LIN52: variants seen among roughly 807,000 people sequenced by gnomAD.
The protein encoded by LIN52 is protein lin-52 homolog.
Under a neutral mutation model 18.5 loss-of-function variants are expected in LIN52, and 4 were observed. The observed-to-expected ratio is 0.22, with a 90% CI of 0.11 to 0.49. LIN52 has a LOEUF of 0.49. LIN52 is among the 20% of genes least tolerant of loss of function. The pLI is 0.97. For missense variants in LIN52, 102 were observed against 139.5 expected, an observed-to-expected ratio of 0.73 and a Z score of 1.35; for synonymous variants, 34 against 45.5, an observed-to-expected ratio of 0.75 and a Z score of 1.02.
rs2061245900 is a variant in LIN52 at position 74,165,587 on chromosome 14, CA to C, written c.284-33333del. On this transcript the variant is annotated intron_variant, in intron 5 of 5. Transcript: ENST00000555028. Reference sequence around the variant, plus strand: ...ACAGTGGCACAATCTTGGCTCCCTGCAACCTCCATCTCCAGGGTTCAAGCGA... The same window carrying C: ...ACAGTGGCACAATCTTGGCTCCCTGCACCTCCATCTCCAGGGTTCAAGCGA... Among the ~76,000 whole-genome samples the C allele has an allele frequency of 2.8e-5, 4 of 142,926 alleles. No homozygotes were observed. In the South Asian group the frequency reaches 9.2e-4, roughly 33 times the overall value. The allele number at this position is 142,926 out of a possible 152,430, so 93.8% of individuals were successfully genotyped here.
At chr14:74,157,459 A>ATT (rs56310225) in intron 5 of LIN52, among the ~76,000 whole-genome samples, 21,369 of 139,892 alleles carry the variant, frequency 0.15, 1,836 homozygotes, top group Non-Finnish European at 0.21. Flanking sequence ...ATATATATAT[A>ATT]TTTTTTAATT....
At chr14:74,182,613 T>G (rs2061323172) in intron 5 of LIN52, among the ~76,000 whole-genome samples, 1 of 152,116 alleles carries the variant, frequency 6.6e-6, no homozygotes, top group Non-Finnish European at 1.5e-5. Context: ...GTTGATAGTG[T>G]GAGGGCAAAG....
chr14:74,113,807 C>T (rs1365213380), intron 5 of LIN52, among the ~76,000 whole-genome samples: 1 of 151,930 alleles, frequency 6.6e-6, no homozygotes, highest in African/African-American at 2.4e-5. Context: ...AAGAAAACCA[C>T]CAACAAACCA....
intron 5 of LIN52, among the ~76,000 whole-genome samples, chr14:74,128,210 C>A (rs965668639): frequency 1.3e-5 from 2 of 152,044 alleles, no homozygotes; most frequent in African/African-American, 4.8e-5. Flanking sequence ...GGGAGAGGGA[C>A]CCAGGCAGAG....
At chr14:74,147,446 G>A (rs989626524) in intron 5 of LIN52, among the ~76,000 whole-genome samples, 4 of 152,232 alleles carry the variant, frequency 2.6e-5, no homozygotes, top group African/African-American at 7.2e-5. Context: ...AAAAGAACAA[G>A]CTCCATTACA....
chr14:74,095,328 T>C (rs1003941329), intron 2 of LIN52, among the ~76,000 whole-genome samples: 9 of 151,514 alleles, frequency 5.9e-5, no homozygotes, highest in Non-Finnish European at 1.0e-4. Flanking sequence ...AGAGACGGGG[T>C]TTCACTATAT....
At chr14:74,101,265 G>C in intron 5 of LIN52, 27 bp downstream of exon 5, 2 of 1,553,104 alleles carry the variant, frequency 1.3e-6, no homozygotes, top group Non-Finnish European at 1.8e-6. Flanking sequence ...CATTTGTTCA[G>C]GGGTGTATTC....
At chr14:74,170,161 G>C (rs566180551) in intron 5 of LIN52, among the ~76,000 whole-genome samples, 1 of 152,192 alleles carries the variant, frequency 6.6e-6, no homozygotes, top group African/African-American at 2.4e-5. Context: ...TGGAAGAAAA[G>C]CAAGAGACAA....
intron 5 of LIN52, among the ~76,000 whole-genome samples, chr14:74,144,824 C>G (rs982845695): frequency 1.3e-4 from 20 of 152,282 alleles, no homozygotes; most frequent in Admixed American, 9.8e-4. Flanking sequence ...AAATGTTACA[C>G]TGCAATATGT....
intron 5 of LIN52, among the ~76,000 whole-genome samples, chr14:74,137,485 T>C (rs7143255): frequency 6.9e-6 from 1 of 145,872 alleles, no homozygotes; most frequent in African/African-American, 2.6e-5. Flanking sequence ...ACTAAATTCT[T>C]CACAGCAGCT....
intron 5 of LIN52, among the ~76,000 whole-genome samples, chr14:74,120,443 A>G (rs1277090171): frequency 2.0e-5 from 3 of 151,772 alleles, no homozygotes; most frequent in Admixed American, 2.0e-4. Flanking sequence ...ATATGGTGAA[A>G]CACTGTCTCT....
intron 5 of LIN52, among the ~76,000 whole-genome samples, chr14:74,157,257 T>C (rs2139561349): frequency 6.6e-6 from 1 of 151,870 alleles, no homozygotes; most frequent in African/African-American, 2.4e-5. Context: ...GATCTTGAAC[T>C]CCTGACCTCA....
At chr14:74,097,068 A>T (rs925664261) in intron 3 of LIN52, among the ~76,000 whole-genome samples, 3 of 152,242 alleles carry the variant, frequency 2.0e-5, no homozygotes, top group East Asian at 1.9e-4. Context: ...GACTTCTCTC[A>T]CTTAAAATGA....
intron 5 of LIN52, among the ~76,000 whole-genome samples, chr14:74,145,097 T>G (rs891101963): frequency 1.3e-5 from 2 of 152,230 alleles, no homozygotes; most frequent in South Asian, 2.1e-4. Context: ...TTGGCTTTTA[T>G]TCCATGGTAT....
In LIN52 at chr14:74,095,944, T is replaced by A. The variant is rs939834117; in HGVS notation, c.95-4T>A. 3.7e-6 allele frequency: 6 copies of A among 1,603,878 alleles called. No individual in the cohort carries two copies. Among genetic ancestry groups the A allele is most frequent in the Non-Finnish European group, 5.1e-6 (6 of 1,172,962 alleles). Reference sequence around the variant, plus strand: ...AATAAATAAAGTTTTGTTTTTCTTTTTAGTACCAGGTGTTGCTGAATTTGC... The same window carrying A: ...AATAAATAAAGTTTTGTTTTTCTTTATAGTACCAGGTGTTGCTGAATTTGC... On this transcript the variant is annotated splice_polypyrimidine_tract_variant and splice_region_variant and intron_variant, in intron 2 of 5. Coordinates refer to ENST00000555028, the MANE Select transcript of LIN52 (RefSeq NM_001024674.3).
chr14:74,142,984 G>C (rs781235726), intron 5 of LIN52, among the ~76,000 whole-genome samples: 6 of 151,212 alleles, frequency 4.0e-5, no homozygotes, highest in South Asian at 2.1e-4. Context: ...TAAGTCATCA[G>C]AAGACTAAAT....
At chr14:74,130,278 G>GTTTTTTTTTTGTTTTTTTTTTTGTT (rs1566856483) in intron 5 of LIN52, among the ~76,000 whole-genome samples, 2 of 64,840 alleles carry the variant, frequency 3.1e-5, no homozygotes, top group African/African-American at 1.3e-4. Flanking sequence ...GCATTTTTTG[G>GTTTTTTTTTTGTTTTTTTTTTTGTT]TTTTTTTTTT....
intron 5 of LIN52, among the ~76,000 whole-genome samples, chr14:74,108,989 C>CA (rs1180209027): frequency 1.3e-5 from 2 of 152,156 alleles, no homozygotes; most frequent in African/African-American, 4.8e-5. Flanking sequence ...TCCAGGTTCT[C>CA]AAAAACTTAT....
intron 5 of LIN52, among the ~76,000 whole-genome samples, chr14:74,167,818 A>T (rs1025937615): frequency 2.6e-5 from 4 of 152,108 alleles, no homozygotes; most frequent in Admixed American, 2.0e-4. Context: ...CCACAGGTGT[A>T]AGCCAGTGAG....
Sources: gnomAD v4.1 joint callset for allele counts (sites outside exome capture counted in the v4.1 genomes callset) on GRCh38, gnomAD v4.1.1 for gene constraint, MANE v1.5 for transcripts, NCBI Gene and HGNC (gene_info 2026-07-23, HGNC 2026-07-21) for gene names.